Variants in DOT1L observed in about 807,000 individuals in gnomAD.
DOT1L encodes the protein histone-lysine N-methyltransferase, H3 lysine-79 specific.
Under a neutral mutation model 153.3 loss-of-function variants are expected in DOT1L, and 33 were observed. The observed-to-expected ratio is 0.22, with a 90% CI of 0.16 to 0.29. DOT1L has a LOEUF of 0.29. Among genes scored for constraint, DOT1L ranks in the 10% least tolerant of loss-of-function variants. The pLI is 1.00. For synonymous variants in DOT1L, 1,135 were observed against 965.1 expected, an observed-to-expected ratio of 1.18 and a Z score of -3.26; for missense variants, 1,847 against 2,119.9, an observed-to-expected ratio of 0.87 and a Z score of 2.53.
Position 2,229,405 on chromosome 19 carries a change from A to G in DOT1L, c.4607-380A>G, listed in dbSNP as rs560546808. The G allele has an allele frequency of 2.1e-3, 2,023 of 985,462 alleles. 2 individuals are homozygous for G. The highest frequency in any genetic ancestry group is 2.2e-3 in the Non-Finnish European group (1,857 of 829,928). The allele number at this position is 985,462 out of a possible 1,614,324, so 61.0% of individuals were successfully genotyped here. A position where few individuals can be genotyped will look rare whatever the true frequency, so the allele number is the denominator to read the frequency against. On this transcript the variant is annotated intron_variant, in intron 27 of 27. Transcript: ENST00000398665. ...GGCAAGGAGAGGAGGACTGGGAGCC[A>G]GGAGCCAAGGCGGAGGCTGTGGCCA...
intron 27 of DOT1L, 193 bp from the exon 28 acceptor site, chr19:2,229,592 G>T: frequency 2.0e-6 from 2 of 985,474 alleles, no homozygotes; most frequent in African/African-American, 1.7e-5. Flanking sequence ...CAGGTGTCAG[G>T]CTCCCTGGTC....
At position 2,220,348 on chromosome 19, in the gene DOT1L, C is replaced by T. The variant is rs1181058331; in HGVS notation, c.2806+126C>T. Reference sequence around the variant, plus strand: ...TGATCATGGGGGCTGCTGCCCCAAACCGCCACGCCTCATTACTGACACCCT... The same window carrying T: ...TGATCATGGGGGCTGCTGCCCCAAATCGCCACGCCTCATTACTGACACCCT... On this transcript the variant is annotated intron_variant, in intron 23 of 27. Transcript: ENST00000398665. The surrounding 1 kb of genome is among the most constrained non-coding windows in gnomAD (Gnocchi z 4.5). 2 of 910,860 alleles carry T rather than the reference C, an allele frequency of 2.2e-6. No individual in the cohort carries two copies. The highest frequency in any genetic ancestry group is 1.4e-5 in the South Asian group (1 of 71,186). 56.4% of individuals were successfully genotyped at this position (910,860 alleles called of 1,614,324 possible).
rs775315915 is a variant in DOT1L at position 2,197,841 on chromosome 19, G to A, written c.652-2043G>A. On this transcript the variant is annotated intron_variant, in intron 7 of 27. Coordinates refer to ENST00000398665, the MANE Select transcript of DOT1L (RefSeq NM_032482.3). The surrounding 1 kb of genome is among the most constrained non-coding windows in gnomAD (Gnocchi z 4.1). Reference sequence around the variant, plus strand: ...TCCTGTTTACAGCCAACCCTGCTGCGGAGGGTGGGTCAGAGAGGCTTCCAC... The same window carrying A: ...TCCTGTTTACAGCCAACCCTGCTGCAGAGGGTGGGTCAGAGAGGCTTCCAC... Among the ~76,000 whole-genome samples the A allele has an allele frequency of 3.3e-5, 5 of 152,202 alleles. No individual in the cohort carries two copies. The highest frequency in any genetic ancestry group is 5.9e-5 in the Non-Finnish European group (4 of 68,028).
At chr19:2,205,880 G>A (rs1599584995) in intron 9 of DOT1L, among the ~76,000 whole-genome samples, 1 of 151,946 alleles carries the variant, frequency 6.6e-6, no homozygotes, top group South Asian at 2.1e-4. Flanking sequence ...TTAATTTTTT[G>A]TAGAGATGGG....
intron 1 of DOT1L, among the ~76,000 whole-genome samples, chr19:2,177,424 G>A (rs533418465): frequency 1.3e-5 from 2 of 152,126 alleles, no homozygotes; most frequent in African/African-American, 4.8e-5. Context: ...AGCCTCCCTA[G>A]TAGCTGGAAT....
chr19:2,171,436 T>C (rs1347288571), intron 1 of DOT1L, among the ~76,000 whole-genome samples: 1 of 152,194 alleles, frequency 6.6e-6, no homozygotes, highest in African/African-American at 2.4e-5. Context: ...TGGAGGTGGC[T>C]CTGCCCCCAG....
intron 22 of DOT1L, among the ~76,000 whole-genome samples, chr19:2,219,417 GC>G (rs1334088401): frequency 2.0e-5 from 3 of 152,162 alleles, no homozygotes; most frequent in Admixed American, 1.3e-4. Context: ...CAGCCCCCGG[GC>G]CCCCGAACAC....
At position 2,193,912 on chromosome 19, in the gene DOT1L, G is replaced by A. The variant is rs1219222538; in HGVS notation, c.588+129G>A. The A allele has an allele frequency of 4.5e-5, 43 of 961,068 alleles. No homozygotes were observed. The highest frequency in any genetic ancestry group is 1.4e-4 in the South Asian group (9 of 63,810). The allele number at this position is 961,068 out of a possible 1,614,324, so 59.5% of individuals were successfully genotyped here. On this transcript the variant is annotated intron_variant, in intron 6 of 27. Transcript: ENST00000398665. The surrounding 1 kb of genome is among the most constrained non-coding windows in gnomAD (Gnocchi z 5.9). ...GTGGCGTTCTTTCCAGGCCCAAGAC[G>A]TCTTGGTTGCCTGCAGCGTGTGCCT...
At chr19:2,171,363 C>T (rs1459212386) in intron 1 of DOT1L, among the ~76,000 whole-genome samples, 4 of 152,226 alleles carry the variant, frequency 2.6e-5, no homozygotes, top group Non-Finnish European at 5.9e-5. Flanking sequence ...CCTCTTCTTC[C>T]TGCCTGTAGG....
intron 1 of DOT1L, among the ~76,000 whole-genome samples, chr19:2,165,323 G>T (rs528636949): frequency 2.6e-5 from 4 of 152,070 alleles, no homozygotes; most frequent in Admixed American, 1.3e-4. Flanking sequence ...AAACGTGCTC[G>T]CTGGGGGCGG....
At chr19:2,188,070 C>G (rs992870148) in intron 3 of DOT1L, 1 of 152,278 alleles carries the variant, frequency 6.6e-6, no homozygotes, top group African/African-American at 2.4e-5. Context: ...ACCTGGGCTC[C>G]TTCCACCCCC....
chr19:2,172,449 A>G (rs2021691246), intron 1 of DOT1L, among the ~76,000 whole-genome samples: 3 of 151,294 alleles, frequency 2.0e-5, no homozygotes. Context: ...TTGGGCTCCC[A>G]AAGTGCTGGG....
chr19:2,180,318 C>T (rs1018122190), intron 1 of DOT1L, among the ~76,000 whole-genome samples: 5 of 152,098 alleles, frequency 3.3e-5, no homozygotes, highest in African/African-American at 7.2e-5. Context: ...GCCTGCGGAG[C>T]GCGGTCTGAG....
intron 2 of DOT1L, among the ~76,000 whole-genome samples, chr19:2,183,464 T>G (rs747554477): frequency 1.3e-5 from 2 of 151,938 alleles, no homozygotes; most frequent in Non-Finnish European, 2.9e-5. Flanking sequence ...TAAAGATGAT[T>G]GGGCTGTCCT....
chr19:2,168,123 A>C (rs2019996768), intron 1 of DOT1L, among the ~76,000 whole-genome samples: 1 of 152,072 alleles, frequency 6.6e-6, no homozygotes, highest in Non-Finnish European at 1.5e-5. Context: ...ACAACAAGCC[A>C]ATATTCTCCC....
In DOT1L at chr19:2,226,472, C is replaced by G. The variant is rs753165650; in HGVS notation, c.3951C>G (p.Thr1317=). The G allele has an allele frequency of 6.2e-7, 1 of 1,601,786 alleles. No homozygotes were observed. Among genetic ancestry groups the G allele is most frequent in the Non-Finnish European group, 8.5e-7 (1 of 1,179,666 alleles). Residue 1317 remains threonine (T), a synonymous_variant, in exon 27 of 28, where the codon ACC becomes ACG. Coordinates refer to ENST00000398665, the MANE Select transcript of DOT1L (RefSeq NM_032482.3). The stretch of plus-strand genomic sequence containing the variant: ...GCACCAACCCTGCCAACGGCTGCAC[C>G]TTCGGCGGGGGCCTGGCCGCGGACC... ...SPGTNPANGC[T]FGGGLAADLS... is the part of the protein sequence containing the mutation.
rs760384492 is a variant in DOT1L, at chr19:2,226,691, G to T, written c.4170G>T (p.Gly1390=). The T allele has an allele frequency of 2.5e-6, 4 of 1,573,946 alleles. No individual in the cohort carries two copies. In the South Asian group the frequency reaches 4.6e-5, roughly 18 times the overall value. ...AGGGCAGCCGCGGCAAGGAGGCAGG[G>T]GAGGGCGGCCTACCGCTGTGCGGGC... The part of the protein sequence containing the change: ...KGEGSRGKEA[G]EGGLPLCGPT... The change falls in exon 27 of 28, where the codon GGG becomes GGT. Residue 1390 remains glycine (G), a synonymous_variant. Transcript: ENST00000398665.
At position 2,229,981 on chromosome 19, in the gene DOT1L, GT is replaced by G; in HGVS notation, c.*193del. The stretch of plus-strand genomic sequence containing the variant: ...ACTGGTCCAGTTTGTACTGTCGATA[GT>G]TTTAGATAAAGTATTTATCATTTTT... On this transcript the variant is annotated 3_prime_UTR_variant, in exon 28 of 28. Transcript: ENST00000398665. 1 of 808,834 alleles carries G rather than the reference GT, an allele frequency of 1.2e-6. No individual in the cohort carries two copies. Among genetic ancestry groups the G allele is most frequent in the Non-Finnish European group, 1.9e-6 (1 of 518,558 alleles). The allele number at this position is 808,834 out of a possible 1,614,324, so 50.1% of individuals were successfully genotyped here.
chr19:2,181,683 T>G (rs1222396135), intron 2 of DOT1L, among the ~76,000 whole-genome samples: 1 of 152,098 alleles, frequency 6.6e-6, no homozygotes, highest in Non-Finnish European at 1.5e-5. Flanking sequence ...CCTCTGTTCT[T>G]TGTAAAAGAA....
Sources: gnomAD v4.1 joint callset for allele counts (sites outside exome capture counted in the v4.1 genomes callset) on GRCh38, gnomAD v4.1.1 for gene constraint, Gnocchi (gnomAD v3.1) non-coding constraint, MANE v1.5 for transcripts, NCBI Gene and HGNC (gene_info 2026-07-23, HGNC 2026-07-21) for gene names.